Variants in CLIC4 observed in about 807,000 individuals in gnomAD.
CLIC4 encodes chloride intracellular channel protein 4.
In CLIC4, 13 loss-of-function variants were observed where a neutral mutation model predicts 24.6. That is an observed-to-expected ratio of 0.53 (90% CI 0.34 to 0.84). The LOEUF (loss-of-function observed/expected upper bound fraction) is 0.84. Ranked by LOEUF, CLIC4 falls within the 40% of genes least tolerant of loss-of-function variation. CLIC4 has a pLI of 0.01. For missense variants in CLIC4, 227 were observed against 301.7 expected (o/e 0.75, Z 1.83); for synonymous variants, 104 against 111.3 (o/e 0.93, Z 0.41).
At chr1:24,813,360 T>C (rs1034563225) in intron 2 of CLIC4, among the ~76,000 whole-genome samples, 1 of 151,532 alleles carries the variant, frequency 6.6e-6, no homozygotes, top group African/African-American at 2.4e-5. Context: ...CCATTTCTTA[T>C]TCAGTTTTAT....
chr1:24,786,412 T>C (rs766831022), intron 1 of CLIC4, among the ~76,000 whole-genome samples: 2 of 152,232 alleles, frequency 1.3e-5, no homozygotes, highest in Admixed American at 6.5e-5. Context: ...ACCAGTATTA[T>C]GCAATTCAAG....
At chr1:24,791,284 C>T (rs932658889) in intron 1 of CLIC4, among the ~76,000 whole-genome samples, 2 of 152,180 alleles carry the variant, frequency 1.3e-5, no homozygotes, top group African/African-American at 4.8e-5. Context: ...GTGTAGGATG[C>T]TTTCCATTGT....
intron 2 of CLIC4, among the ~76,000 whole-genome samples, chr1:24,799,034 G>C (rs1280883039): frequency 6.6e-6 from 1 of 152,232 alleles, no homozygotes; most frequent in Non-Finnish European, 1.5e-5. Flanking sequence ...GCCTCCCAAA[G>C]TGCCGAGATT....
intron 3 of CLIC4, among the ~76,000 whole-genome samples, chr1:24,821,409 C>T (rs2124161144): frequency 6.6e-6 from 1 of 152,220 alleles, no homozygotes; most frequent in African/African-American, 2.4e-5. Flanking sequence ...TGAGCATATT[C>T]ATAGAAACAT....
intron 1 of CLIC4, among the ~76,000 whole-genome samples, chr1:24,781,658 T>C (rs1639207002): frequency 6.6e-6 from 1 of 151,656 alleles, no homozygotes; most frequent in South Asian, 2.1e-4. Flanking sequence ...TGGAGAACTT[T>C]GTGAGACCTA....
rs150881981 is a variant in CLIC4, at chr1:24,746,747, G to A, written c.72+1122G>A. Among the ~76,000 whole-genome samples the A allele has an allele frequency of 2.5e-3, 385 of 152,304 alleles. 2 individuals are homozygous for A. The highest frequency in any genetic ancestry group is 9.0e-3 in the African/African-American group (373 of 41,564). ...AGAAGGGCTGGGCGCGGTGGCTCAT[G>A]CCTGTAATCGCAGCACTTTCGGAGG... is the stretch of plus-strand genomic sequence containing the variant. On this transcript the variant is annotated intron_variant, in intron 1 of 5. Transcript: ENST00000374379.
At chr1:24,781,576 C>T (rs1312233124) in intron 1 of CLIC4, among the ~76,000 whole-genome samples, 3 of 151,652 alleles carry the variant, frequency 2.0e-5, no homozygotes, top group Admixed American at 1.3e-4. Flanking sequence ...ACAGGATGAA[C>T]GGGAGTGGGG....
chr1:24,781,893 G>A (rs566393039), intron 1 of CLIC4, among the ~76,000 whole-genome samples: 2 of 151,410 alleles, frequency 1.3e-5, no homozygotes, highest in Non-Finnish European at 2.9e-5. Context: ...CTCGTGTTCC[G>A]CCCGCCTTGG....
chr1:24,770,092 C>G (rs913714781), intron 1 of CLIC4, among the ~76,000 whole-genome samples: 7 of 151,998 alleles, frequency 4.6e-5, no homozygotes, highest in Admixed American at 2.0e-4. Flanking sequence ...AACTCCTGGA[C>G]TCAAGTTATC....
intron 1 of CLIC4, among the ~76,000 whole-genome samples, chr1:24,752,709 A>G (rs1298183283): frequency 1.3e-5 from 2 of 152,158 alleles, no homozygotes; most frequent in Non-Finnish European, 1.5e-5. Flanking sequence ...TGCTTTTGTC[A>G]TCGATAATAG....
At chr1:24,763,363 A>C (rs1449562029) in intron 1 of CLIC4, among the ~76,000 whole-genome samples, 1 of 151,948 alleles carries the variant, frequency 6.6e-6, no homozygotes, top group East Asian at 1.9e-4. Flanking sequence ...AATATGGAGA[A>C]ACCCCGTCTC....
intron 4 of CLIC4, among the ~76,000 whole-genome samples, chr1:24,831,408 T>TTTTTATATATATATATATA (rs1553194710): frequency 6.6e-6 from 1 of 152,142 alleles, no homozygotes; most frequent in Non-Finnish European, 1.5e-5. Context: ...GGATATTTGA[T>TTTTTATATATATATATATA]TTTTATATAT....
At chr1:24,798,401 G>A (rs1190104682) in intron 2 of CLIC4, among the ~76,000 whole-genome samples, 1 of 152,066 alleles carries the variant, frequency 6.6e-6, no homozygotes, top group Non-Finnish European at 1.5e-5. Flanking sequence ...TCTGTGGCCC[G>A]GTGTCTGTTC....
chr1:24,840,859 C>T lies in CLIC4; in HGVS notation c.684C>T (p.Asp228=), dbSNP rs369663645. 6.2e-6 allele frequency: 10 copies of T among 1,612,276 alleles called. No individual in the cohort carries two copies. Among genetic ancestry groups the T allele is most frequent in the African/African-American group, 5.4e-5 (4 of 74,766 alleles). The change falls in exon 6 of 6, where the codon GAC becomes GAT. Residue 228 remains aspartate, a synonymous_variant. Transcript: ENST00000374379. ...ACCTAACTAATGCATACAGTAGGGA[C>T]GAGTTCACCAATACCTGTCCCAGTG... ...WRYLTNAYSR[D]EFTNTCPSDK...
chr1:24,770,687 C>G (rs534873210), intron 1 of CLIC4, among the ~76,000 whole-genome samples: 1 of 152,060 alleles, frequency 6.6e-6, no homozygotes, highest in African/African-American at 2.4e-5. Context: ...AAATTAGCTT[C>G]TTTAATTTCT....
chr1:24,816,234 G>GTTT (rs71752506), intron 3 of CLIC4, among the ~76,000 whole-genome samples: 3,679 of 61,434 alleles, frequency 0.06, 110 homozygotes, highest in East Asian at 0.17. Flanking sequence ...GAATGTTCGT[G>GTTT]TTTTTTTTTT....
intron 4 of CLIC4, among the ~76,000 whole-genome samples, chr1:24,830,079 G>A (rs1192244991): frequency 6.6e-6 from 1 of 152,114 alleles, no homozygotes; most frequent in Admixed American, 6.6e-5. Flanking sequence ...TAACCGAAGT[G>A]CTCTTATTAC....
chr1:24,764,193 C>T (rs1174099480), intron 1 of CLIC4, among the ~76,000 whole-genome samples: 6 of 152,168 alleles, frequency 3.9e-5, no homozygotes, highest in South Asian at 2.1e-4. Flanking sequence ...CTCCGCCTCC[C>T]GGGTTCAAGC....
At chr1:24,790,518 T>C (rs1161033314) in intron 1 of CLIC4, among the ~76,000 whole-genome samples, 2 of 152,256 alleles carry the variant, frequency 1.3e-5, no homozygotes, top group Non-Finnish European at 2.9e-5. Context: ...TTTTGCCTTA[T>C]ACATCTCAGA....
Sources: gnomAD v4.1 joint callset for allele counts (sites outside exome capture counted in the v4.1 genomes callset) on GRCh38, gnomAD v4.1.1 for gene constraint, MANE v1.5 for transcripts, NCBI Gene and HGNC (gene_info 2026-07-23, HGNC 2026-07-21) for gene names.